NDUFA12: variants seen among roughly 807,000 people sequenced by gnomAD.
NDUFA12 encodes the protein NADH:ubiquinone oxidoreductase subunit A12.
A neutral mutation model predicts 20.3 loss-of-function variants in NDUFA12; 17 were observed. That is an observed-to-expected ratio of 0.84 (90% CI 0.57 to 1.26). The LOEUF (loss-of-function observed/expected upper bound fraction) is 1.26, where lower values mean the gene tolerates loss of function less well. Ranked by LOEUF, NDUFA12 falls within the 50% of genes most tolerant of loss-of-function variation. The pLI is 0.00. For synonymous variants in NDUFA12, 72 were observed against 63.6 expected, an observed-to-expected ratio of 1.13 and a Z score of -0.63; for missense variants, 191 against 183.7, an observed-to-expected ratio of 1.04 and a Z score of -0.23.
chr12:94,988,936 C>A (rs1265421029), intron 3 of NDUFA12, among the ~76,000 whole-genome samples: 3 of 152,152 alleles, frequency 2.0e-5, no homozygotes, highest in Admixed American at 6.5e-5. Flanking sequence ...ATGATTTGGG[C>A]CCTAGCTATT....
chr12:94,986,459 C>CA (rs548132063), intron 3 of NDUFA12, among the ~76,000 whole-genome samples: 1 of 151,868 alleles, frequency 6.6e-6, no homozygotes, highest in South Asian at 2.1e-4. Flanking sequence ...GTTTTTACCA[C>CA]AAAAAAATGA....
chr12:94,997,892 C>T (rs902392889), intron 2 of NDUFA12, among the ~76,000 whole-genome samples: 2 of 152,142 alleles, frequency 1.3e-5, no homozygotes, highest in African/African-American at 4.8e-5. Context: ...TGGTTCTTAA[C>T]AGATGGAAAT....
Position 94,990,701 on chromosome 12 carries a change from G to A in NDUFA12, c.257+3469C>T, listed in dbSNP as rs997358881. Among the ~76,000 whole-genome samples the A allele has an allele frequency of 2.6e-5, 4 of 152,204 alleles. No individual in the cohort carries two copies. In the South Asian group the frequency reaches 8.3e-4, roughly 32 times the overall value. On this transcript the variant is annotated intron_variant, in intron 3 of 3. Coordinates refer to ENST00000327772, the MANE Select transcript of NDUFA12 (RefSeq NM_018838.5). ...ATGCCTCAGCCTTCCAAAGTGCTGG[G>A]ACTACAGGTATGAGCCACCACACCA... is the stretch of plus-strand genomic sequence containing the variant.
At chr12:94,987,632 C>G (rs1874490620) in intron 3 of NDUFA12, among the ~76,000 whole-genome samples, 1 of 151,876 alleles carries the variant, frequency 6.6e-6, no homozygotes. Context: ...GAAACCCCGT[C>G]TCTACTTAAA....
intron 3 of NDUFA12, 114 bp from the exon 4 acceptor site, chr12:94,971,734 C>G (rs1873892917): frequency 1.8e-6 from 2 of 1,120,084 alleles, no homozygotes; most frequent in Non-Finnish European, 1.4e-6. Flanking sequence ...AGCCTCAACT[C>G]CATCAGTTAC....
chr12:94,985,097 A>G (rs1592701295), intron 3 of NDUFA12, among the ~76,000 whole-genome samples: 1 of 151,004 alleles, frequency 6.6e-6, no homozygotes, highest in Non-Finnish European at 1.5e-5. Context: ...CCAAGGTGGG[A>G]GGATTATTTG....
chr12:94,991,454 G>A (rs1210572473), intron 3 of NDUFA12, among the ~76,000 whole-genome samples: 3 of 151,718 alleles, frequency 2.0e-5, no homozygotes, highest in East Asian at 1.9e-4. Context: ...CTGACCCGGT[G>A]CAGTGGCTCA....
intron 2 of NDUFA12, among the ~76,000 whole-genome samples, 175 bp downstream of exon 2, chr12:95,002,564 C>T (rs966962357): frequency 4.6e-5 from 7 of 151,180 alleles, no homozygotes; most frequent in African/African-American, 9.7e-5. Context: ...TTTTTCCATA[C>T]CTTCATTGGC....
intron 3 of NDUFA12, among the ~76,000 whole-genome samples, chr12:94,972,081 A>G (rs1478465450): frequency 2.6e-5 from 4 of 152,038 alleles, no homozygotes; most frequent in Non-Finnish European, 5.9e-5. Flanking sequence ...TGCCACCACC[A>G]TGCCTGGCTG....
At chr12:94,985,073 A>G (rs1224126452) in intron 3 of NDUFA12, among the ~76,000 whole-genome samples, 2 of 152,122 alleles carry the variant, frequency 1.3e-5, no homozygotes, top group African/African-American at 4.8e-5. Flanking sequence ...CTGTAATCCC[A>G]GCATTTTGAT....
intron 3 of NDUFA12, among the ~76,000 whole-genome samples, chr12:94,988,824 G>A (rs1388276376): frequency 6.6e-6 from 1 of 152,096 alleles, no homozygotes; most frequent in Non-Finnish European, 1.5e-5. Flanking sequence ...CTGCACCCAG[G>A]CGCTCATTAA....
chr12:94,994,682 A>T (rs1288014058), intron 2 of NDUFA12, among the ~76,000 whole-genome samples: 1 of 152,212 alleles, frequency 6.6e-6, no homozygotes, highest in Non-Finnish European at 1.5e-5. Flanking sequence ...CCACATAAGT[A>T]TTTTTTTAAA....
intron 3 of NDUFA12, among the ~76,000 whole-genome samples, chr12:94,976,229 C>T (rs1874061745): frequency 6.6e-6 from 1 of 151,970 alleles, no homozygotes. Context: ...TATTATTATC[C>T]AAATATAGTA....
At chr12:94,989,532 A>G (rs1204139661) in intron 3 of NDUFA12, among the ~76,000 whole-genome samples, 2 of 152,244 alleles carry the variant, frequency 1.3e-5, no homozygotes, top group Non-Finnish European at 2.9e-5. Flanking sequence ...CAAACAGCTA[A>G]GCTTGTTCAA....
intron 3 of NDUFA12, among the ~76,000 whole-genome samples, chr12:94,987,498 CACTTGAACAA>C (rs1440559381): frequency 2.0e-5 from 3 of 152,126 alleles, no homozygotes; most frequent in African/African-American, 7.2e-5. Flanking sequence ...GAGTTAAAGG[CACTTGAACAA>C]CAGCAGGCAC....
At chr12:95,002,437 C>CAAAAAAAAAAAA (rs71075895) in intron 2 of NDUFA12, among the ~76,000 whole-genome samples, 3 of 63,622 alleles carry the variant, frequency 4.7e-5, no homozygotes, top group Non-Finnish European at 8.3e-5. Context: ...GACTCCATCT[C>CAAAAAAAAAAAA]AAAAAAAAAA....
intron 3 of NDUFA12, among the ~76,000 whole-genome samples, chr12:94,980,488 G>A (rs1190327200): frequency 1.3e-5 from 2 of 151,762 alleles, no homozygotes; most frequent in South Asian, 2.1e-4. Context: ...CCACCACGAT[G>A]TTAAGCATCT....
At chr12:94,981,269 A>AATGC (rs113953811) in intron 3 of NDUFA12, among the ~76,000 whole-genome samples, 1 of 148,984 alleles carries the variant, frequency 6.7e-6, no homozygotes, top group Non-Finnish European at 1.5e-5. Context: ...GTCTCTACTA[A>AATGC]ATACATACAT....
chr12:94,982,259 A>ATTTTCT (rs1449855235), intron 3 of NDUFA12, among the ~76,000 whole-genome samples: 1 of 136,782 alleles, frequency 7.3e-6, no homozygotes, highest in Non-Finnish European at 1.5e-5. Context: ...TCCAGAAGCT[A>ATTTTCT]TTTTCTTTTT....
Sources: gnomAD v4.1 joint callset for allele counts (sites outside exome capture counted in the v4.1 genomes callset) on GRCh38, gnomAD v4.1.1 for gene constraint, MANE v1.5 for transcripts, NCBI Gene and HGNC (gene_info 2026-07-23, HGNC 2026-07-21) for gene names.